Variants in CRISPLD1 observed in about 807,000 individuals in gnomAD.
CRISPLD1 encodes cysteine-rich secretory protein LCCL domain-containing 1.
CRISPLD1 carries 60 observed loss-of-function variants against 77.5 expected under a neutral mutation model. The observed-to-expected ratio is 0.77, with a 90% CI of 0.63 to 0.96. The LOEUF is 0.96. Ranked by LOEUF, CRISPLD1 falls within the 40% of genes least tolerant of loss-of-function variation. The pLI, the probability that CRISPLD1 is intolerant of heterozygous loss-of-function variation, is 0.00. For missense variants in CRISPLD1, 623 were observed against 615.8 expected (o/e 1.01, Z -0.12); for synonymous variants, 195 against 200.1 (o/e 0.97, Z 0.22).
At chr8:75,006,071 C>G (rs542121664) in intron 2 of CRISPLD1, among the ~76,000 whole-genome samples, 92 of 152,238 alleles carry the variant, frequency 6.0e-4, no homozygotes, top group African/African-American at 2.2e-3. Flanking sequence ...CCTTATCCTT[C>G]CCATATTCCT....
rs1812488357 is a variant in CRISPLD1 at position 74,985,934 on chromosome 8, A to G, written c.-54A>G. 3 of 1,560,550 alleles carry G rather than the reference A, an allele frequency of 1.9e-6. No homozygotes were observed. Among genetic ancestry groups the G allele is most frequent in the Non-Finnish European group, 1.7e-6 (2 of 1,149,798 alleles). ...ATGACATGTCGTTATAGCCAAAAGGAGTGGAAGAGCCTGTCTTGGAGATTT... is the reference window on the plus strand; with the variant it reads ...ATGACATGTCGTTATAGCCAAAAGGGGTGGAAGAGCCTGTCTTGGAGATTT... On this transcript the variant is annotated 5_prime_UTR_variant, in exon 2 of 15. Coordinates refer to ENST00000262207, the MANE Select transcript of CRISPLD1 (RefSeq NM_031461.6).
At chr8:75,004,463 A>G (rs1289606908) in intron 2 of CRISPLD1, among the ~76,000 whole-genome samples, 3 of 152,178 alleles carry the variant, frequency 2.0e-5, no homozygotes, top group African/African-American at 7.2e-5. Flanking sequence ...AGCTTTACAG[A>G]TTTTATAATG....
At chr8:75,024,129 C>G (rs976706471) in intron 12 of CRISPLD1, among the ~76,000 whole-genome samples, 1 of 151,986 alleles carries the variant, frequency 6.6e-6, no homozygotes, top group Non-Finnish European at 1.5e-5. Context: ...TGAGGAATAA[C>G]CATTAGGCCC....
chr8:75,030,277 C>G (rs1365762372), intron 14 of CRISPLD1, among the ~76,000 whole-genome samples: 1 of 152,054 alleles, frequency 6.6e-6, no homozygotes, highest in Non-Finnish European at 1.5e-5. Context: ...ATCTAGATTA[C>G]CTTCAACATA....
At position 75,019,758 on chromosome 8, in the gene CRISPLD1, G is replaced by A; in HGVS notation, c.1128-112G>A. On this transcript the variant is annotated intron_variant, in intron 10 of 14. Transcript: ENST00000262207. ...CTTATATTGCTACTTGTCTATTTTA[G>A]TAAGTGTTTAAAAAGAAAATTAAGT... 4.0e-6 allele frequency: 3 copies of A among 754,684 alleles called. No individual in the cohort carries two copies. In the East Asian group the frequency reaches 7.6e-5, roughly 19 times the overall value. 46.7% of individuals were successfully genotyped at this position (754,684 alleles called of 1,614,324 possible).
rs142000517 is a variant in CRISPLD1, at chr8:75,024,913, A to G, written c.1245-633A>G. Among the ~76,000 whole-genome samples, 12 of 152,300 alleles carry G rather than the reference A, an allele frequency of 7.9e-5. No homozygotes were observed. The East Asian group carries it at 2.3e-3, about 29-fold the overall frequency. On this transcript the variant is annotated intron_variant, in intron 12 of 14. Transcript: ENST00000262207. ...GAGCACTTGGAATCATGGAGGTGCC[A>G]TTTATTGCAATGGGAAGCCTACGGA...
intron 2 of CRISPLD1, among the ~76,000 whole-genome samples, chr8:74,998,997 T>C (rs1812690870): frequency 6.6e-6 from 1 of 152,120 alleles, no homozygotes; most frequent in South Asian, 2.1e-4. Context: ...CCAAATAGCA[T>C]GTTTGGGGCT....
At position 75,025,637 on chromosome 8, in the gene CRISPLD1, T is replaced by G; in HGVS notation, c.1320+16T>G. 2 of 1,322,148 alleles carry G rather than the reference T, an allele frequency of 1.5e-6. No individual in the cohort carries two copies. The highest frequency in any genetic ancestry group is 2.2e-6 in the Non-Finnish European group (2 of 918,140). 81.9% of individuals were successfully genotyped at this position (1,322,148 alleles called of 1,614,324 possible). A position where few individuals can be genotyped will look rare whatever the true frequency, so the allele number is the denominator to read the frequency against. On this transcript the variant is annotated intron_variant, in intron 13 of 14. Coordinates refer to ENST00000262207, the MANE Select transcript of CRISPLD1 (RefSeq NM_031461.6). Reference sequence around the variant, plus strand: ...TTATTCTGATGTAAGTATCCTAATTTATACAGCTGTCAACATTCATGTATA... The same window carrying G: ...TTATTCTGATGTAAGTATCCTAATTGATACAGCTGTCAACATTCATGTATA...
intron 2 of CRISPLD1, among the ~76,000 whole-genome samples, chr8:75,003,946 A>G (rs1175328126): frequency 6.6e-6 from 1 of 152,202 alleles, no homozygotes; most frequent in African/African-American, 2.4e-5. Context: ...TATTGATACA[A>G]TGGGTTTAAT....
chr8:75,018,304 T>TTGTCACCCAGACTGGAGTGCAG (rs369927202), intron 10 of CRISPLD1, among the ~76,000 whole-genome samples: 4 of 152,044 alleles, frequency 2.6e-5, no homozygotes, highest in Admixed American at 1.3e-4. Context: ...GTTTTGTTTT[T>TTGTCACCCAGACTGGAGTGCAG]TGTCACCCAG....
rs1446987054 is a variant in CRISPLD1 at position 75,033,613 on chromosome 8, T to G, written c.*1371T>G. On this transcript the variant is annotated 3_prime_UTR_variant, in exon 15 of 15. Coordinates refer to ENST00000262207, the MANE Select transcript of CRISPLD1 (RefSeq NM_031461.6). ...CAGGACAATAAATACTTCAAATACT[T>G]TTAGGAAGTAAATGAGTAGGAGTTT... 6.6e-6 allele frequency: 1 copy of G among 152,022 alleles called. No individual in the cohort carries two copies. The highest frequency in any genetic ancestry group is 1.5e-5 in the Non-Finnish European group (1 of 67,844). The allele number at this position is 152,022 out of a possible 1,614,324, so 9.4% of individuals were successfully genotyped here.
At chr8:75,005,047 T>G (rs1015357543) in intron 2 of CRISPLD1, among the ~76,000 whole-genome samples, 2 of 152,166 alleles carry the variant, frequency 1.3e-5, no homozygotes, top group Non-Finnish European at 2.9e-5. Context: ...TCTGCTCTCA[T>G]GGGCTTATAA....
intron 2 of CRISPLD1, among the ~76,000 whole-genome samples, chr8:75,009,448 A>T (rs1812891767): frequency 1.3e-5 from 2 of 152,144 alleles, no homozygotes; most frequent in South Asian, 2.1e-4. Context: ...AGAGGGGGGA[A>T]TTCAACTCCA....
intron 13 of CRISPLD1, among the ~76,000 whole-genome samples, chr8:75,026,052 A>G (rs1489082140): frequency 6.6e-6 from 1 of 151,828 alleles, no homozygotes; most frequent in Non-Finnish European, 1.5e-5. Flanking sequence ...AATATATGCA[A>G]AAGAGAACTA....
At chr8:74,989,018 G>T (rs961530871) in intron 2 of CRISPLD1, among the ~76,000 whole-genome samples, 2 of 152,200 alleles carry the variant, frequency 1.3e-5, no homozygotes, top group Non-Finnish European at 2.9e-5. Flanking sequence ...CTAACTTTGA[G>T]AGCTAATCAG....
intron 2 of CRISPLD1, among the ~76,000 whole-genome samples, chr8:75,008,396 C>T (rs1209932149): frequency 6.6e-6 from 1 of 152,200 alleles, no homozygotes; most frequent in East Asian, 1.9e-4. Context: ...AGGCACTAAC[C>T]TACACTTAAT....
chr8:74,998,689 A>C lies in CRISPLD1; in HGVS notation c.258+12444A>C, dbSNP rs1316775356. 8.5e-3 allele frequency among the ~76,000 whole-genome samples: 1,209 copies of C among 141,796 alleles called. 18 individuals are homozygous for C. Among genetic ancestry groups the C allele is most frequent in the African/African-American group, 0.031 (1,135 of 36,698 alleles). 93.0% of individuals were successfully genotyped at this position (141,796 alleles called of 152,430 possible). ...GGCAACAGAGAGACTCCATCTCAAA[A>C]AAAAAAAAAAAAAAAAAAAGTAAAG... On this transcript the variant is annotated intron_variant, in intron 2 of 14. Transcript: ENST00000262207.
chr8:75,021,567 A>G (rs781744820), intron 12 of CRISPLD1, among the ~76,000 whole-genome samples: 1 of 152,160 alleles, frequency 6.6e-6, no homozygotes, highest in African/African-American at 2.4e-5. Flanking sequence ...TTGACCACCA[A>G]TGAATTATAT....
intron 2 of CRISPLD1, among the ~76,000 whole-genome samples, chr8:74,998,635 C>T (rs1563393074): frequency 7.4e-6 from 1 of 135,274 alleles, no homozygotes; most frequent in African/African-American, 3.0e-5. Context: ...TTTTAGTGAG[C>T]CAAGATCGTG....
Sources: allele counts gnomAD v4.1 joint callset (sites outside exome capture counted in the v4.1 genomes callset), GRCh38; gene constraint gnomAD v4.1.1; transcripts MANE v1.5; gene names NCBI Gene and HGNC (gene_info 2026-07-23, HGNC 2026-07-21).